RBFOX1: variants seen among roughly 807,000 people sequenced by gnomAD.
The protein encoded by RBFOX1 is RNA binding fox-1 homolog 1, also known as RNA binding protein fox-1 homolog 1.
In RBFOX1, 8 loss-of-function variants were observed where a neutral mutation model predicts 57.7. The observed-to-expected ratio is 0.14, with a 90% CI of 0.08 to 0.25. RBFOX1 has a LOEUF of 0.25. RBFOX1 is among the 10% of genes least tolerant of loss of function. The pLI, the probability that RBFOX1 is intolerant of heterozygous loss-of-function variation, is 1.00. For synonymous variants in RBFOX1, 326 were observed against 222.4 expected (o/e 1.47, Z -4.15); for missense variants, 611 against 548.5 (o/e 1.11, Z -1.14).
At chr16:6,548,652 A>T (rs1383481065) in intron 2 of RBFOX1, among the ~76,000 whole-genome samples, 2 of 152,210 alleles carry the variant, frequency 1.3e-5, no homozygotes, top group East Asian at 3.9e-4. Flanking sequence ...TGGGAAGCAC[A>T]CGGGGTAGAC....
rs1234139312 is a variant in RBFOX1, at chr16:5,784,272, AC to A, written c.319-83030del. The stretch of plus-strand genomic sequence containing the variant: ...CCGTCTCTACTAAAAATACAAAAAA[AC>A]AAAATTAGCTGGGCGTGGTGGCTGG... On this transcript the variant is annotated intron_variant, in intron 3 of 19. Transcript: ENST00000641259. 1.4e-4 allele frequency among the ~76,000 whole-genome samples: 22 copies of A among 152,190 alleles called. No individual in the cohort carries two copies. The Middle Eastern group carries it at 0.01, about 71-fold the overall frequency.
chr16:5,905,368 C>G (rs1010931137), intron 4 of RBFOX1, among the ~76,000 whole-genome samples: 1 of 151,798 alleles, frequency 6.6e-6, no homozygotes, highest in African/African-American at 2.4e-5. Flanking sequence ...GGTGTTTTTA[C>G]AAGGAGAGAT....
intron 4 of RBFOX1, among the ~76,000 whole-genome samples, chr16:7,497,381 A>T (rs2069030669): frequency 6.6e-6 from 1 of 152,022 alleles, no homozygotes; most frequent in Non-Finnish European, 1.5e-5. Flanking sequence ...ATTCCTCTCA[A>T]CTGCTACATC....
chr16:7,604,711 T>C (rs1181610309), intron 9 of RBFOX1, among the ~76,000 whole-genome samples: 3 of 152,312 alleles, frequency 2.0e-5, no homozygotes, highest in Admixed American at 1.3e-4. Context: ...AGATCTGGAA[T>C]TTTTTGCTTT....
At chr16:6,762,786 C>T (rs566870703) in intron 3 of RBFOX1, among the ~76,000 whole-genome samples, 19 of 152,226 alleles carry the variant, frequency 1.2e-4, no homozygotes, top group African/African-American at 4.3e-4. Context: ...GTCAGGAAGA[C>T]AGGCAAGGAA....
intron 1 of RBFOX1, chr16:5,366,049 A>T (rs1205909297): frequency 4.2e-6 from 2 of 481,366 alleles, no homozygotes; most frequent in Non-Finnish European, 8.1e-6. Flanking sequence ...CTGTACAGCA[A>T]TGGTTTCCCT....
At position 6,637,560 on chromosome 16, in the gene RBFOX1, A is replaced by AGTCT. The variant is rs1567988167; in HGVS notation, c.-63-17043_-63-17042insGTCT. On this transcript the variant is annotated intron_variant, in intron 2 of 15. Transcript: ENST00000550418. The stretch of plus-strand genomic sequence containing the variant: ...TATATACAATCTGCATAGTATATAT[A>AGTCT]ATATTCTATATAGTATATATATAAT... 1.3e-3 allele frequency among the ~76,000 whole-genome samples: 6 copies of AGTCT among 4,746 alleles called. No homozygotes were observed. The Non-Finnish European group carries it at 0.077, about 61-fold the overall frequency. The allele number at this position is 4,746 out of a possible 152,430, so 3.1% of individuals were successfully genotyped here.
intron 1 of RBFOX1, among the ~76,000 whole-genome samples, chr16:6,256,203 G>GTATATGTAGA (rs1555582380): frequency 2.4e-5 from 1 of 41,206 alleles, no homozygotes; most frequent in African/African-American, 7.4e-5. Flanking sequence ...ATATGTATAT[G>GTATATGTAGA]TATATGTGTA....
chr16:7,153,708 T>G, intron 4 of RBFOX1, among the ~76,000 whole-genome samples: 1 of 123,168 alleles, frequency 8.1e-6, no homozygotes. Flanking sequence ...TCTAGCCTGG[T>G]GACAGTGAGA....
At chr16:7,669,293 CCTT>C (rs1476041620) in intron 13 of RBFOX1, among the ~76,000 whole-genome samples, 1 of 151,434 alleles carries the variant, frequency 6.6e-6, no homozygotes, top group Non-Finnish European at 1.5e-5. Context: ...TGTTGGTTGA[CCTT>C]CTCAGAAAGA....
At chr16:5,471,782 C>T (rs750376928) in intron 2 of RBFOX1, among the ~76,000 whole-genome samples, 7 of 152,152 alleles carry the variant, frequency 4.6e-5, no homozygotes, top group Non-Finnish European at 8.8e-5. Flanking sequence ...TCCTTGGCAG[C>T]GGTATATTTC....
intron 2 of RBFOX1, among the ~76,000 whole-genome samples, chr16:5,538,868 T>C (rs2129251): frequency 0.74 from 112,536 of 151,998 alleles, 42,118 homozygotes; most frequent in East Asian, 0.99. Context: ...CATCATGATC[T>C]GCCCACCTCA....
intron 2 of RBFOX1, among the ~76,000 whole-genome samples, chr16:6,592,377 C>T (rs1019040333): frequency 6.6e-6 from 1 of 152,086 alleles, no homozygotes; most frequent in African/African-American, 2.4e-5. Context: ...TGGATGGGTG[C>T]TTCATAATTA....
chr16:6,699,730 C>G (rs1287084804), intron 3 of RBFOX1, among the ~76,000 whole-genome samples: 1 of 152,138 alleles, frequency 6.6e-6, no homozygotes. Context: ...CAGGCATGGC[C>G]GTTGCCTTGA....
At chr16:7,690,353 C>G (rs548182447) in intron 14 of RBFOX1, among the ~76,000 whole-genome samples, 2 of 152,138 alleles carry the variant, frequency 1.3e-5, no homozygotes, top group Non-Finnish European at 2.9e-5. Flanking sequence ...TGCTGAGGCC[C>G]GAGACCCAGT....
intron 2 of RBFOX1, among the ~76,000 whole-genome samples, chr16:6,608,099 A>T (rs375926364): frequency 6.6e-5 from 10 of 152,302 alleles, no homozygotes; most frequent in African/African-American, 2.4e-4. Flanking sequence ...GTCTCATAGC[A>T]CCTGAAACAA....
chr16:7,034,877 CCTG>C (rs2043924074), intron 3 of RBFOX1, among the ~76,000 whole-genome samples: 1 of 15,724 alleles, frequency 6.4e-5, no homozygotes, highest in Non-Finnish European at 1.1e-4. Flanking sequence ...GAGATGGAGT[CCTG>C]CTCTGTTGCC....
At chr16:7,667,724 A>AG (rs2069864432) in intron 13 of RBFOX1, among the ~76,000 whole-genome samples, 1 of 152,158 alleles carries the variant, frequency 6.6e-6, no homozygotes, top group Admixed American at 6.5e-5. Context: ...TGTGTCGCCC[A>AG]GGCTGGAGTG....
At chr16:6,686,890 C>A (rs546534714) in intron 3 of RBFOX1, among the ~76,000 whole-genome samples, 1 of 152,244 alleles carries the variant, frequency 6.6e-6, no homozygotes, top group East Asian at 1.9e-4. Flanking sequence ...GATAATCTTC[C>A]AAGAAATGCT....
Sources: allele counts gnomAD v4.1 joint callset (sites outside exome capture counted in the v4.1 genomes callset), GRCh38; gene constraint gnomAD v4.1.1; transcripts MANE v1.5; gene names NCBI Gene and HGNC (gene_info 2026-07-23, HGNC 2026-07-21).